TENM2: variants seen among roughly 807,000 people sequenced by gnomAD.
TENM2 encodes the protein teneurin transmembrane protein 2, also known as teneurin-2.
In TENM2, 52 loss-of-function variants were observed where a neutral mutation model predicts 245.2. That is an observed-to-expected ratio of 0.21 (90% CI 0.17 to 0.27). The LOEUF (loss-of-function observed/expected upper bound fraction) is 0.27, where lower values mean the gene tolerates loss of function less well. TENM2 is among the 10% of genes least tolerant of loss of function. The pLI, the probability that TENM2 is intolerant of heterozygous loss-of-function variation, is 1.00. For missense variants in TENM2, 3,046 were observed against 3,666.8 expected (o/e 0.83, Z 4.37); for synonymous variants, 1,363 against 1,438.9 (o/e 0.95, Z 1.19).
intron 2 of TENM2, among the ~76,000 whole-genome samples, chr5:167,425,747 T>C (rs574782053): frequency 1.3e-5 from 2 of 152,112 alleles, no homozygotes; most frequent in Middle Eastern, 6.8e-3. Flanking sequence ...ACAATGCTGC[T>C]GCTGCTGCTG....
chr5:167,335,958 C>T (rs545682966), intron 1 of TENM2, among the ~76,000 whole-genome samples: 20 of 152,194 alleles, frequency 1.3e-4, no homozygotes, highest in Middle Eastern at 3.4e-3. Flanking sequence ...ATGACCCCCT[C>T]CCTGCTTTAT....
chr5:167,243,815 C>G, the TENM2 span, among the ~76,000 whole-genome samples: 1 of 152,152 alleles, frequency 6.6e-6, no homozygotes, highest in African/African-American at 2.4e-5. Context: ...CAATTGATCT[C>G]AAAATAGTTT....
intron 12 of TENM2, among the ~76,000 whole-genome samples, chr5:168,143,843 C>CTTTTTTTTTT (rs70976464): frequency 1.9e-5 from 2 of 102,716 alleles, no homozygotes; most frequent in Non-Finnish European, 3.8e-5. Context: ...TACTACACTT[C>CTTTTTTTTTT]TTTTTTTTTT....
chr5:167,666,286 G>A (rs1755568742), intron 2 of TENM2, among the ~76,000 whole-genome samples: 2 of 152,184 alleles, frequency 1.3e-5, no homozygotes, highest in Admixed American at 6.5e-5. Context: ...TGAGCATTTA[G>A]GATGTTCTAA....
the TENM2 span, among the ~76,000 whole-genome samples, chr5:167,176,807 G>C: frequency 1.3e-5 from 2 of 152,034 alleles, no homozygotes; most frequent in Admixed American, 6.5e-5. Flanking sequence ...TAATAACTAA[G>C]GGGAAAATAA....
the TENM2 span, among the ~76,000 whole-genome samples, chr5:166,987,423 GTGTGTGTGT>G: frequency 2.5e-5 from 1 of 39,880 alleles, no homozygotes; most frequent in Non-Finnish European, 1.1e-4. Flanking sequence ...TAGTAAGGGT[GTGTGTGTGT>G]GTGTGTGTGT....
chr5:168,119,091 G>A (rs1370122273), intron 10 of TENM2, among the ~76,000 whole-genome samples: 1 of 152,148 alleles, frequency 6.6e-6, no homozygotes, highest in East Asian at 1.9e-4. Flanking sequence ...AAGACTGTAG[G>A]TTTTTTATGT....
intron 2 of TENM2, among the ~76,000 whole-genome samples, chr5:167,858,526 T>G (rs1771298709): frequency 6.6e-6 from 1 of 152,164 alleles, no homozygotes; most frequent in South Asian, 2.1e-4. Flanking sequence ...TATGATTATT[T>G]GAAAACAACG....
chr5:167,894,921 AGAAGGAAGGAAGGAAGGAAGGAAG>A (rs368233260), intron 3 of TENM2, among the ~76,000 whole-genome samples: 965 of 82,956 alleles, frequency 0.012, 21 homozygotes, highest in African/African-American at 0.039. Flanking sequence ...CACCCTGGAA[AGAAGGAAGGAAGGAAGGAAGGAAG>A]GAAGGAAGGA....
At chr5:167,571,694 A>G (rs546284933) in intron 2 of TENM2, among the ~76,000 whole-genome samples, 252 of 152,254 alleles carry the variant, frequency 1.7e-3, no homozygotes, top group African/African-American at 5.7e-3. Flanking sequence ...CTCATTGACA[A>G]TGTTTTGCAG....
chr5:167,259,281 T>C, the TENM2 span, among the ~76,000 whole-genome samples: 7 of 152,186 alleles, frequency 4.6e-5, no homozygotes, highest in African/African-American at 1.7e-4. Context: ...TGGAGACACA[T>C]ATAGTTGGAT....
At chr5:168,021,656 C>T (rs766303535) in intron 5 of TENM2, among the ~76,000 whole-genome samples, 1 of 152,210 alleles carries the variant, frequency 6.6e-6, no homozygotes, top group Non-Finnish European at 1.5e-5. Flanking sequence ...CCCCCTGTTA[C>T]AGTGCACACT....
At chr5:167,819,762 A>G (rs796812398) in intron 2 of TENM2, among the ~76,000 whole-genome samples, 11 of 152,220 alleles carry the variant, frequency 7.2e-5, no homozygotes, top group African/African-American at 2.6e-4. Context: ...AGAACTGTTC[A>G]TTTTGCTGAA....
chr5:167,737,675 G>A (rs1287773053), intron 2 of TENM2, among the ~76,000 whole-genome samples: 1 of 152,200 alleles, frequency 6.6e-6, no homozygotes, highest in Non-Finnish European at 1.5e-5. Context: ...ATAATTAAGA[G>A]CTCTGCAGTC....
chr5:167,917,014 G>T (rs1223501916), intron 3 of TENM2, among the ~76,000 whole-genome samples: 2 of 152,194 alleles, frequency 1.3e-5, no homozygotes, highest in Admixed American at 6.5e-5. Context: ...GGAAGGAAAA[G>T]CTTGCCCTGA....
chr5:168,110,025 G>A (rs1389925724), intron 9 of TENM2, among the ~76,000 whole-genome samples: 2 of 146,984 alleles, frequency 1.4e-5, no homozygotes, highest in East Asian at 2.0e-4. Flanking sequence ...TTGCTTCTGA[G>A]ATTAAGAACC....
the TENM2 span, among the ~76,000 whole-genome samples, chr5:166,983,416 A>G: frequency 6.6e-6 from 1 of 152,126 alleles, no homozygotes; most frequent in African/African-American, 2.4e-5. Flanking sequence ...TAGAATTACG[A>G]GCCTTTCAGG....
chr5:167,479,224 T>G (rs1348345045), intron 2 of TENM2, among the ~76,000 whole-genome samples: 1 of 152,166 alleles, frequency 6.6e-6, no homozygotes, highest in Non-Finnish European at 1.5e-5. Context: ...CCAGAATACT[T>G]GGAAATATAA....
intron 2 of TENM2, among the ~76,000 whole-genome samples, chr5:167,435,061 T>G (rs1214608863): frequency 6.6e-6 from 1 of 152,254 alleles, no homozygotes; most frequent in Non-Finnish European, 1.5e-5. Flanking sequence ...CTAGATTTTC[T>G]ATACCTCATT....
Sources: allele counts gnomAD v4.1 joint callset (sites outside exome capture counted in the v4.1 genomes callset), GRCh38; gene constraint gnomAD v4.1.1; transcripts MANE v1.5; gene names NCBI Gene and HGNC (gene_info 2026-07-23, HGNC 2026-07-21).